ATRNL1: variants seen among roughly 807,000 people sequenced by gnomAD.
The protein encoded by ATRNL1 is attractin like 1.
In ATRNL1, 95 loss-of-function variants were observed where a neutral mutation model predicts 182.7. The ratio of observed to expected loss-of-function variants is 0.52; its 90% CI spans 0.44 to 0.62. The LOEUF is 0.62. Among genes scored for constraint, ATRNL1 ranks in the 20% least tolerant of loss-of-function variants. ATRNL1 has a pLI of 0.00. For missense variants in ATRNL1, 1,471 were observed against 1,679.5 expected (o/e 0.88, Z 2.17); for synonymous variants, 576 against 568.3 (o/e 1.01, Z -0.19).
intron 26 of ATRNL1, among the ~76,000 whole-genome samples, chr10:115,711,060 G>T (rs561815411): frequency 1.3e-5 from 2 of 152,126 alleles, no homozygotes; most frequent in South Asian, 4.1e-4. Context: ...TCTGAGAGGG[G>T]CCAATAATTA....
intron 20 of ATRNL1, among the ~76,000 whole-genome samples, chr10:115,410,922 G>A (rs1055200054): frequency 6.6e-6 from 1 of 151,810 alleles, no homozygotes; most frequent in Non-Finnish European, 1.5e-5. Context: ...ATGTTTAGTA[G>A]AGACAGGGTT....
At chr10:115,371,527 A>G (rs1416126608) in intron 19 of ATRNL1, among the ~76,000 whole-genome samples, 1 of 152,142 alleles carries the variant, frequency 6.6e-6, no homozygotes, top group Non-Finnish European at 1.5e-5. Flanking sequence ...TTAAAATTTG[A>G]CTGTCTTGCT....
At chr10:115,770,151 TA>T (rs200513880) in intron 27 of ATRNL1, among the ~76,000 whole-genome samples, 2 of 151,258 alleles carry the variant, frequency 1.3e-5, no homozygotes, top group African/African-American at 2.4e-5. Context: ...TTTTTAAAAC[TA>T]AAAAAAACAA....
chr10:115,532,253 A>T (rs565680579), intron 25 of ATRNL1, among the ~76,000 whole-genome samples: 2 of 152,214 alleles, frequency 1.3e-5, no homozygotes, highest in African/African-American at 4.8e-5. Context: ...GATTCTTCCT[A>T]CCCATGAGCA....
intron 4 of ATRNL1, among the ~76,000 whole-genome samples, chr10:115,128,169 A>G (rs1183430478): frequency 2.6e-5 from 4 of 152,188 alleles, no homozygotes; most frequent in Non-Finnish European, 4.4e-5. Flanking sequence ...ATTACCTTCA[A>G]TTCTGTCAAG....
At chr10:115,622,508 C>T (rs1280752867) in intron 26 of ATRNL1, among the ~76,000 whole-genome samples, 2 of 152,224 alleles carry the variant, frequency 1.3e-5, no homozygotes, top group Non-Finnish European at 2.9e-5. Flanking sequence ...TTCTTAACCT[C>T]CCATCTTTAT....
intron 15 of ATRNL1, among the ~76,000 whole-genome samples, chr10:115,297,377 G>C (rs1268401796): frequency 6.6e-6 from 1 of 151,946 alleles, no homozygotes; most frequent in African/African-American, 2.4e-5. Context: ...CGTGGTGGCT[G>C]ACGCCTGTAA....
intron 28 of ATRNL1, among the ~76,000 whole-genome samples, chr10:115,896,273 C>G (rs1952205250): frequency 6.6e-6 from 1 of 152,146 alleles, no homozygotes; most frequent in South Asian, 2.1e-4. Context: ...AGTTGGAAAG[C>G]TGAAATTGAC....
intron 26 of ATRNL1, among the ~76,000 whole-genome samples, chr10:115,686,676 G>A (rs546279788): frequency 1.3e-5 from 2 of 152,080 alleles, no homozygotes; most frequent in Admixed American, 1.3e-4. Flanking sequence ...TATCAAATAT[G>A]TGATTACTTT....
chr10:115,245,221 G>A (rs1437273007), intron 10 of ATRNL1, among the ~76,000 whole-genome samples: 4 of 151,862 alleles, frequency 2.6e-5, no homozygotes, highest in South Asian at 2.1e-4. Context: ...TTAACTGGCC[G>A]GGCACGGTGG....
intron 12 of ATRNL1, 123 bp from the exon 13 acceptor site, chr10:115,268,202 AG>A: frequency 3.1e-6 from 2 of 640,290 alleles, no homozygotes; most frequent in South Asian, 2.2e-5. Context: ...TTGAAATTGA[AG>A]GTCATTTCTT....
At chr10:115,336,310 A>G (rs1351882709) in intron 19 of ATRNL1, among the ~76,000 whole-genome samples, 3 of 152,216 alleles carry the variant, frequency 2.0e-5, no homozygotes, top group African/African-American at 7.2e-5. Context: ...TCCAGTGGAT[A>G]CATAAGATGC....
intron 27 of ATRNL1, among the ~76,000 whole-genome samples, chr10:115,758,600 G>A (rs1555072694): frequency 2.6e-5 from 4 of 152,204 alleles, no homozygotes; most frequent in Non-Finnish European, 1.5e-5. Context: ...TGTATACACG[G>A]GGGTGTCAGG....
chr10:115,394,505 A>G (rs1554955020), intron 19 of ATRNL1, among the ~76,000 whole-genome samples, 154 bp from the exon 20 acceptor site: 1 of 152,052 alleles, frequency 6.6e-6, no homozygotes, highest in African/African-American at 2.4e-5. Flanking sequence ...CTTCCCTTTA[A>G]TTAAAAATAA....
At chr10:115,549,818 T>C (rs1554995046) in intron 26 of ATRNL1, among the ~76,000 whole-genome samples, 1 of 152,044 alleles carries the variant, frequency 6.6e-6, no homozygotes, top group African/African-American at 2.4e-5. Flanking sequence ...AATTTTGTAA[T>C]ATATTTAACA....
intron 25 of ATRNL1, among the ~76,000 whole-genome samples, chr10:115,541,711 T>C (rs781887767): frequency 1.3e-5 from 2 of 152,158 alleles, no homozygotes; most frequent in African/African-American, 4.8e-5. Context: ...GAACATAGTG[T>C]TGAATGATAG....
At chr10:115,925,617 A>G (rs1252114201) in intron 28 of ATRNL1, among the ~76,000 whole-genome samples, 3 of 152,160 alleles carry the variant, frequency 2.0e-5, no homozygotes, top group Admixed American at 2.0e-4. Flanking sequence ...TTGCAATCCT[A>G]GTATCTGACG....
intron 28 of ATRNL1, among the ~76,000 whole-genome samples, chr10:115,923,965 A>G (rs1953144234): frequency 1.3e-5 from 2 of 152,148 alleles, no homozygotes; most frequent in Admixed American, 6.5e-5. Flanking sequence ...GTGAGGTGGT[A>G]TCTCATTGTG....
At chr10:115,592,447 A>G (rs1361998544) in intron 26 of ATRNL1, among the ~76,000 whole-genome samples, 1 of 152,200 alleles carries the variant, frequency 6.6e-6, no homozygotes, top group Non-Finnish European at 1.5e-5. Flanking sequence ...CTACAACTCT[A>G]CAACTGTCAC....
Sources: allele counts gnomAD v4.1 joint callset (sites outside exome capture counted in the v4.1 genomes callset), GRCh38; gene constraint gnomAD v4.1.1; transcripts MANE v1.5; gene names NCBI Gene and HGNC (gene_info 2026-07-23, HGNC 2026-07-21).